DAB1: variants seen among roughly 807,000 people sequenced by gnomAD.
The protein encoded by DAB1 is disabled homolog 1.
In DAB1, 15 loss-of-function variants were observed where a neutral mutation model predicts 64.6. The ratio of observed to expected loss-of-function variants is 0.23; its 90% CI spans 0.16 to 0.36. DAB1 has a LOEUF of 0.36. Ranked by LOEUF, DAB1 falls within the 10% of genes least tolerant of loss-of-function variation. The pLI is 1.00. For missense variants in DAB1, 596 were observed against 706.7 expected, an observed-to-expected ratio of 0.84 and a Z score of 1.78; for synonymous variants, 235 against 251.9, an observed-to-expected ratio of 0.93 and a Z score of 0.64.
chr1:57,090,906 C>A (rs990941666), intron 4 of DAB1, among the ~76,000 whole-genome samples: 1 of 152,110 alleles, frequency 6.6e-6, no homozygotes, highest in Non-Finnish European at 1.5e-5. Context: ...CTCATAGGAG[C>A]GCGAACCCTA....
At chr1:57,129,980 T>C (rs1228006986) in intron 4 of DAB1, among the ~76,000 whole-genome samples, 1 of 151,968 alleles carries the variant, frequency 6.6e-6, no homozygotes, top group Non-Finnish European at 1.5e-5. Flanking sequence ...CTGTGTCACA[T>C]GCCAGGGTTT....
intron 4 of DAB1, among the ~76,000 whole-genome samples, chr1:58,168,981 A>C (rs535933493): frequency 1.3e-5 from 2 of 152,280 alleles, no homozygotes; most frequent in African/African-American, 4.8e-5. Context: ...TCGAGAATGC[A>C]TTGGTAAGGG....
chr1:58,079,687 A>C (rs980167792), intron 5 of DAB1, among the ~76,000 whole-genome samples: 5 of 151,558 alleles, frequency 3.3e-5, no homozygotes, highest in Non-Finnish European at 7.4e-5. Context: ...CGCCTGGCTA[A>C]TTTTTGTATT....
intron 3 of DAB1, among the ~76,000 whole-genome samples, chr1:58,485,541 TATCAAATCTTC>T (rs1374482282): frequency 6.6e-6 from 1 of 152,168 alleles, no homozygotes; most frequent in African/African-American, 2.4e-5. Flanking sequence ...TACATATTTC[TATCAAATCTTC>T]ATCTACTTTG....
intron 5 of DAB1, among the ~76,000 whole-genome samples, chr1:57,939,474 A>G (rs911640648): frequency 9.2e-5 from 14 of 152,180 alleles, no homozygotes; most frequent in African/African-American, 3.4e-4. Context: ...CATCTTCAAA[A>G]CTTTTAGACA....
chr1:57,339,007 G>C (rs529998660), intron 1 of DAB1, among the ~76,000 whole-genome samples: 190 of 152,250 alleles, frequency 1.2e-3, no homozygotes, highest in African/African-American at 4.3e-3. Flanking sequence ...GTTCACTCTT[G>C]AATGAAGATC....
intron 3 of DAB1, among the ~76,000 whole-genome samples, chr1:58,476,465 G>A (rs77689624): frequency 2.8e-4 from 43 of 152,258 alleles, no homozygotes; most frequent in Non-Finnish European, 5.9e-4. Context: ...CCCCTTGCAC[G>A]CAGAGCCAGT....
chr1:57,832,164 A>T (rs2101905472), intron 1 of DAB1, among the ~76,000 whole-genome samples: 1 of 152,356 alleles, frequency 6.6e-6, no homozygotes, highest in South Asian at 2.1e-4. Context: ...GAGCCATGCC[A>T]GTGTCACAGA....
intron 6 of DAB1, among the ~76,000 whole-genome samples, chr1:57,756,243 T>C (rs1476624281): frequency 6.6e-6 from 1 of 152,142 alleles, no homozygotes; most frequent in Non-Finnish European, 1.5e-5. Context: ...CATTTTTATG[T>C]AGTATAGTGG....
chr1:57,571,621 G>C (rs540963375), intron 7 of DAB1, among the ~76,000 whole-genome samples: 1 of 152,204 alleles, frequency 6.6e-6, no homozygotes, highest in Admixed American at 6.5e-5. Context: ...GGAAAAGAAT[G>C]TTGGGCTAGA....
intron 3 of DAB1, among the ~76,000 whole-genome samples, chr1:58,492,696 G>C (rs1190243804): frequency 2.0e-5 from 3 of 152,142 alleles, no homozygotes; most frequent in African/African-American, 4.8e-5. Flanking sequence ...GACACATACA[G>C]TCTCCCAAGA....
At chr1:57,277,530 C>T (rs531670185) in intron 2 of DAB1, among the ~76,000 whole-genome samples, 3 of 152,284 alleles carry the variant, frequency 2.0e-5, no homozygotes, top group South Asian at 4.1e-4. Flanking sequence ...GCAAGTTGCA[C>T]GATTCCCACC....
At chr1:57,946,750 G>A (rs1363001270) in intron 5 of DAB1, among the ~76,000 whole-genome samples, 3 of 152,194 alleles carry the variant, frequency 2.0e-5, no homozygotes, top group Non-Finnish European at 4.4e-5. Context: ...GTCTAGCTCA[G>A]GAGTCCTGTA....
chr1:58,389,097 C>T (rs1167181302), intron 3 of DAB1, among the ~76,000 whole-genome samples: 4 of 152,138 alleles, frequency 2.6e-5, no homozygotes, highest in South Asian at 2.1e-4. Flanking sequence ...CATGAAAACA[C>T]GTGCTTTCCA....
chr1:57,284,649 A>C (rs1434160787), intron 2 of DAB1, among the ~76,000 whole-genome samples: 6 of 152,280 alleles, frequency 3.9e-5, no homozygotes, highest in Non-Finnish European at 7.3e-5. Context: ...AGCAATGATA[A>C]ATAAGCCTGA....
intron 1 of DAB1, among the ~76,000 whole-genome samples, chr1:57,861,756 A>G: frequency 6.7e-6 from 1 of 148,892 alleles, no homozygotes; most frequent in East Asian, 1.9e-4. Flanking sequence ...ATTATATATA[A>G]CATAGTATAT....
intron 7 of DAB1, among the ~76,000 whole-genome samples, chr1:57,519,511 T>C (rs983429536): frequency 1.3e-5 from 2 of 151,974 alleles, no homozygotes; most frequent in African/African-American, 4.8e-5. Flanking sequence ...CTCAGAGGGA[T>C]GAAAGAGTCC....
intron 4 of DAB1, among the ~76,000 whole-genome samples, chr1:58,229,812 G>A (rs952470963): frequency 2.6e-5 from 4 of 152,154 alleles, no homozygotes; most frequent in South Asian, 2.1e-4. Flanking sequence ...GAAGCAGTAC[G>A]ACTAAAAATT....
At chr1:57,624,829 C>T (rs1392641496) in intron 7 of DAB1, among the ~76,000 whole-genome samples, 1 of 152,134 alleles carries the variant, frequency 6.6e-6, no homozygotes, top group Admixed American at 6.5e-5. Flanking sequence ...ACTATCTTCT[C>T]GAACAAAATA....
Sources: gnomAD v4.1 joint callset for allele counts (sites outside exome capture counted in the v4.1 genomes callset) on GRCh38, gnomAD v4.1.1 for gene constraint, MANE v1.5 for transcripts, NCBI Gene and HGNC (gene_info 2026-07-23, HGNC 2026-07-21) for gene names.